The following CTPS2 variants were observed in gnomAD, a reference collection of about 807,000 sequenced individuals.
CTPS2 encodes CTP synthase 2, also known as CTP synthase II.
Under a neutral mutation model 46.8 loss-of-function variants are expected in CTPS2, and 19 were observed. The ratio of observed to expected loss-of-function variants is 0.41; its 90% CI spans 0.28 to 0.60. CTPS2 has a LOEUF of 0.60. CTPS2 is among the 20% of genes least tolerant of loss of function. The pLI is 0.35. For missense variants in CTPS2, 286 were observed against 447.6 expected (o/e 0.64, Z 3.26); for synonymous variants, 151 against 165.2 (o/e 0.91, Z 0.66).
intron 16 of CTPS2, among the ~76,000 whole-genome samples, chrX:16,616,542 C>A (rs940769406): frequency 3.6e-5 from 4 of 111,834 alleles, no homozygotes; most frequent in Non-Finnish European, 7.5e-5. Context: ...CTGCCTTTCC[C>A]AGAGCACCTA....
intron 16 of CTPS2, among the ~76,000 whole-genome samples, chrX:16,611,160 C>T (rs889298266): frequency 4.5e-5 from 5 of 111,887 alleles, no homozygotes; most frequent in African/African-American, 1.6e-4. Context: ...TGTAACAAAT[C>T]TGCACGTGGG....
intron 9 of CTPS2, among the ~76,000 whole-genome samples, chrX:16,682,490 A>C (rs954058992): frequency 2.7e-5 from 3 of 111,885 alleles, no homozygotes; most frequent in African/African-American, 9.7e-5. Flanking sequence ...GTCTCAAAAA[A>C]GGAAAAAAGA....
At chrX:16,654,390 T>C in intron 13 of CTPS2, 1 of 1,103,220 alleles carries the variant, frequency 9.1e-7, no homozygotes, top group African/African-American at 1.8e-5. Flanking sequence ...TCCCATCCTT[T>C]TTTATGTAAA....
At chrX:16,695,515 G>T (rs187251780) in intron 4 of CTPS2, among the ~76,000 whole-genome samples, 4 of 111,675 alleles carry the variant, frequency 3.6e-5, no homozygotes, top group Admixed American at 9.5e-5. Context: ...TGTCTTTAAT[G>T]AAAGTCTTTT....
At chrX:16,634,376 C>G (rs1350949465) in intron 14 of CTPS2, among the ~76,000 whole-genome samples, 1 of 111,707 alleles carries the variant, frequency 9.0e-6, no homozygotes, top group African/African-American at 3.3e-5. Context: ...TGTCTCATTT[C>G]TAAGGACCCT....
chrX:16,662,645 G>A (rs1046953470), intron 13 of CTPS2, among the ~76,000 whole-genome samples: 2 of 108,373 alleles, frequency 1.8e-5, no homozygotes, highest in Non-Finnish European at 3.8e-5. Context: ...TCAAGCTTAA[G>A]TAACTCTGCA....
intron 14 of CTPS2, among the ~76,000 whole-genome samples, chrX:16,630,615 A>G (rs971289113): frequency 1.4e-4 from 15 of 110,195 alleles, no homozygotes; most frequent in African/African-American, 5.0e-4. Context: ...CCCACAGTAC[A>G]ACCCCGTGCT....
intron 17 of CTPS2, among the ~76,000 whole-genome samples, chrX:16,605,310 G>A (rs1419765534): frequency 1.8e-5 from 2 of 111,906 alleles, no homozygotes; most frequent in African/African-American, 3.3e-5. Context: ...AGGCGAACTC[G>A]ACGTGACTTA....
chrX:16,664,692 G>C (rs138554291), intron 13 of CTPS2, among the ~76,000 whole-genome samples: 2,043 of 111,817 alleles, frequency 0.018, 47 homozygotes, highest in African/African-American at 0.063. Flanking sequence ...GACAGAAATA[G>C]AACTAGATTT....
At chrX:16,650,786 C>G (rs1334118979) in intron 13 of CTPS2, among the ~76,000 whole-genome samples, 1 of 110,575 alleles carries the variant, frequency 9.0e-6, no homozygotes, top group African/African-American at 3.3e-5. Context: ...GCTGGGATTA[C>G]AGGCATGAGC....
At chrX:16,703,945 T>G (rs770035112) in intron 1 of CTPS2, among the ~76,000 whole-genome samples, 2 of 107,605 alleles carry the variant, frequency 1.9e-5, no homozygotes, top group Non-Finnish European at 3.9e-5. Context: ...TTTTTTTTTT[T>G]TTCTTTTTTT....
At position 16,656,250 on chromosome X, in the gene CTPS2, C is replaced by G. The variant is rs764011156; in HGVS notation, c.1296+11264G>C. ...TTTAGACATGAGATTTTTTTTAACC[C>G]CACTGCTGCCCTCCCCATCAAAAAC... is the stretch of plus-strand genomic sequence containing the variant. On this transcript the variant is annotated intron_variant, in intron 13 of 18. Transcript: ENST00000359276. Among the ~76,000 whole-genome samples, 10 of 111,448 alleles carry G rather than the reference C, an allele frequency of 9.0e-5. No homozygotes were observed. In the East Asian group the frequency reaches 1.7e-3, roughly 19 times the overall value.
At chrX:16,675,160 C>T (rs568216328) in intron 10 of CTPS2, among the ~76,000 whole-genome samples, 3 of 108,618 alleles carry the variant, frequency 2.8e-5, no homozygotes, top group South Asian at 8.1e-4. Flanking sequence ...CCCAGCTACT[C>T]GGGAGGATGG....
At position 16,698,814 on chromosome X, in the gene CTPS2, G is replaced by C. The variant is rs1232504036; in HGVS notation, c.337+109C>G. On this transcript the variant is annotated intron_variant, in intron 3 of 18. Transcript: ENST00000359276. The stretch of plus-strand genomic sequence containing the variant: ...GATCCACTGGCCTCAGCCTCCCAAA[G>C]TGCTGGGATTACAGGCCTGAGCCAC... 1.1e-5 allele frequency: 8 copies of C among 706,864 alleles called. No homozygotes were observed. In the African/African-American group the frequency reaches 1.8e-4, roughly 16 times the overall value. The allele number at this position is 706,864 out of a possible 1,213,427, so 58.3% of individuals were successfully genotyped here.
chrX:16,689,368 G>A (rs1923504416), intron 8 of CTPS2, 82 bp downstream of exon 8: 3 of 1,007,222 alleles, frequency 3.0e-6, no homozygotes, highest in African/African-American at 3.8e-5. Context: ...AAATACACAC[G>A]CTTACCCTTT....
chrX:16,674,465 C>T (rs557187316), intron 10 of CTPS2, among the ~76,000 whole-genome samples: 3 of 111,221 alleles, frequency 2.7e-5, no homozygotes, highest in African/African-American at 6.5e-5. Flanking sequence ...ATCCAGCTAA[C>T]GGATTATTTT....
intron 13 of CTPS2, among the ~76,000 whole-genome samples, chrX:16,665,226 C>A (rs1322713464): frequency 8.9e-6 from 1 of 112,327 alleles, no homozygotes; most frequent in African/African-American, 3.2e-5. Context: ...GGAAAACAGT[C>A]CTACAGCTCC....
intron 11 of CTPS2, among the ~76,000 whole-genome samples, chrX:16,668,933 C>T (rs960382622): frequency 9.0e-6 from 1 of 111,461 alleles, no homozygotes; most frequent in Admixed American, 9.5e-5. Flanking sequence ...ACATCTAACA[C>T]CCCAACTCAG....
intron 13 of CTPS2, among the ~76,000 whole-genome samples, chrX:16,661,648 G>C (rs1261142444): frequency 8.9e-6 from 1 of 112,141 alleles, no homozygotes; most frequent in Non-Finnish European, 1.9e-5. Context: ...TATGGTAGAT[G>C]TAAAATTCAC....
Sources: allele counts gnomAD v4.1 joint callset (sites outside exome capture counted in the v4.1 genomes callset), GRCh38; gene constraint gnomAD v4.1.1; transcripts MANE v1.5; gene names NCBI Gene and HGNC (gene_info 2026-07-23, HGNC 2026-07-21).